Variants in ENTREP1 observed in about 807,000 individuals in gnomAD.
ENTREP1 encodes the protein endosomal transmembrane epsin interactor 1.
At chr9:69,386,473 TG>T in the ENTREP1 span, 2 of 152,148 alleles carry the variant, frequency 1.3e-5, no homozygotes, top group South Asian at 4.1e-4. Flanking sequence ...AGATGTTACC[TG>T]AATAATTAAA....
the ENTREP1 span, among the ~76,000 whole-genome samples, chr9:69,340,621 G>GCGCA: frequency 5.5e-4 from 40 of 73,350 alleles, no homozygotes; most frequent in African/African-American, 2.3e-3. Flanking sequence ...GCATGTGTGT[G>GCGCA]TGCATGTGTG....
chr9:69,350,360 C>T, the ENTREP1 span, among the ~76,000 whole-genome samples: 20 of 152,166 alleles, frequency 1.3e-4, no homozygotes, highest in African/African-American at 4.1e-4. Flanking sequence ...TATCTTGATA[C>T]GTTTGTTGAA....
chr9:69,344,586 G>GC, the ENTREP1 span, among the ~76,000 whole-genome samples: 1 of 152,120 alleles, frequency 6.6e-6, no homozygotes, highest in Non-Finnish European at 1.5e-5. Flanking sequence ...GAGCAGTGGG[G>GC]CCCTGCCTCT....
chr9:69,378,720 C>T, the ENTREP1 span, among the ~76,000 whole-genome samples: 1 of 150,922 alleles, frequency 6.6e-6, no homozygotes, highest in South Asian at 2.1e-4. Flanking sequence ...GATCGCACCA[C>T]TGCACTCCAG....
At chr9:69,337,005 CTTTTTTTTTTTTTTTTT>C in the ENTREP1 span, among the ~76,000 whole-genome samples, 2 of 55,986 alleles carry the variant, frequency 3.6e-5, no homozygotes, top group East Asian at 5.2e-4. Context: ...GCTGTTATTC[CTTTTTTTTTTTTTTTTT>C]TTTTTTTTTT....
At chr9:69,371,356 G>A in the ENTREP1 span, 1 of 762,354 alleles carries the variant, frequency 1.3e-6, no homozygotes, top group African/African-American at 1.7e-5. Context: ...GTGAAAAAAA[G>A]TTTGTACATT....
At chr9:69,367,728 A>T in the ENTREP1 span, among the ~76,000 whole-genome samples, 51 of 49,100 alleles carry the variant, frequency 1.0e-3, 1 homozygote, top group South Asian at 0.013. Context: ...CATATATATA[A>T]AAATATATAT....
chr9:69,348,154 A>G, the ENTREP1 span, among the ~76,000 whole-genome samples: 4 of 152,008 alleles, frequency 2.6e-5, no homozygotes, highest in Non-Finnish European at 5.9e-5. Context: ...TCTCACTGTC[A>G]CCCAGGCTGG....
chr9:69,335,340 C>T, the ENTREP1 span, among the ~76,000 whole-genome samples: 9 of 152,188 alleles, frequency 5.9e-5, no homozygotes, highest in African/African-American at 1.7e-4. Flanking sequence ...GAGTGTGGAG[C>T]GGTGGAATCA....
At chr9:69,367,680 A>AAATATATATATACACACATATATAAAT in the ENTREP1 span, among the ~76,000 whole-genome samples, 1 of 47,350 alleles carries the variant, frequency 2.1e-5, no homozygotes, top group South Asian at 7.9e-4. Flanking sequence ...CACATATATA[A>AAATATATATATACACACATATATAAAT]ATATATATAT....
At chr9:69,347,881 G>T in the ENTREP1 span, among the ~76,000 whole-genome samples, 1 of 152,158 alleles carries the variant, frequency 6.6e-6, no homozygotes, top group Non-Finnish European at 1.5e-5. Context: ...AGAAGGAAAT[G>T]TAATTCCATG....
the ENTREP1 span, chr9:69,387,928 C>T: frequency 6.1e-6 from 9 of 1,480,338 alleles, no homozygotes; most frequent in Non-Finnish European, 1.8e-6. Context: ...GGGGTGGTGT[C>T]GTACATGACA....
the ENTREP1 span, among the ~76,000 whole-genome samples, chr9:69,350,181 A>C: frequency 2.9e-4 from 44 of 151,938 alleles, no homozygotes; most frequent in East Asian, 8.5e-3. Context: ...TACTCCTATA[A>C]TTTTTTTCTA....
the ENTREP1 span, chr9:69,375,873 A>G: frequency 6.2e-7 from 1 of 1,612,278 alleles, no homozygotes; most frequent in African/African-American, 1.3e-5. Context: ...AGGTACCTCA[A>G]ACAGATTCCC....
At chr9:69,324,601 G>T in the ENTREP1 span, 180 of 985,218 alleles carry the variant, frequency 1.8e-4, no homozygotes, top group Non-Finnish European at 2.1e-4. Context: ...CTACCGAGAT[G>T]CCGGGAAAGC....
At chr9:69,384,035 A>G in the ENTREP1 span, 2 of 1,574,018 alleles carry the variant, frequency 1.3e-6, no homozygotes, top group Non-Finnish European at 1.7e-6. Context: ...GGTAATAGAT[A>G]CATTGTGACA....
the ENTREP1 span, among the ~76,000 whole-genome samples, chr9:69,333,905 A>G: frequency 8.5e-5 from 13 of 152,356 alleles, no homozygotes; most frequent in African/African-American, 3.1e-4. Flanking sequence ...GCACATGCAT[A>G]CACACATACA....
chr9:69,324,823 G>A, the ENTREP1 span: 9 of 985,196 alleles, frequency 9.1e-6, no homozygotes, highest in Non-Finnish European at 1.1e-5. Context: ...GCTGGACAGA[G>A]AAGGCTCCTC....
the ENTREP1 span, chr9:69,385,869 A>G: frequency 1.1e-5 from 17 of 1,609,590 alleles, no homozygotes; most frequent in African/African-American, 8.2e-5. Flanking sequence ...GGTGCGTCCT[A>G]TCAGAAGCCG....
Sources: allele counts gnomAD v4.1 joint callset (sites outside exome capture counted in the v4.1 genomes callset), GRCh38; gene constraint gnomAD v4.1.1; transcripts MANE v1.5; gene names NCBI Gene and HGNC (gene_info 2026-07-23, HGNC 2026-07-21).